The following MAN2A1 variants were observed in gnomAD, a reference collection of about 807,000 sequenced individuals.
MAN2A1 encodes alpha-mannosidase 2.
MAN2A1 carries 76 observed loss-of-function variants against 142.6 expected under a neutral mutation model. The ratio of observed to expected loss-of-function variants is 0.53; its 90% CI spans 0.44 to 0.65. The LOEUF is 0.65. Among genes scored for constraint, MAN2A1 ranks in the 30% least tolerant of loss-of-function variants. The pLI is 0.00. For missense variants in MAN2A1, 1,311 were observed against 1,365.1 expected, an observed-to-expected ratio of 0.96 and a Z score of 0.62; for synonymous variants, 559 against 473.2, an observed-to-expected ratio of 1.18 and a Z score of -2.35.
chr5:109,798,582 A>T (rs1425937183), intron 12 of MAN2A1, among the ~76,000 whole-genome samples: 1 of 152,204 alleles, frequency 6.6e-6, no homozygotes, highest in Non-Finnish European at 1.5e-5. Flanking sequence ...TGGACAATAA[A>T]TTATGGGGCT....
intron 4 of MAN2A1, among the ~76,000 whole-genome samples, chr5:109,744,010 C>T (rs1752337442): frequency 6.6e-6 from 1 of 152,110 alleles, no homozygotes; most frequent in South Asian, 2.1e-4. Flanking sequence ...TAGGAATTTG[C>T]CTGTGTTCAG....
At chr5:109,858,035 CACTT>C (rs1475729335) in intron 20 of MAN2A1, among the ~76,000 whole-genome samples, 2 of 152,338 alleles carry the variant, frequency 1.3e-5, no homozygotes, top group South Asian at 2.1e-4. Context: ...ATCCTAATGA[CACTT>C]ACTCCAACTT....
At chr5:109,820,674 C>G (rs1377044913) in intron 15 of MAN2A1, among the ~76,000 whole-genome samples, 1 of 152,010 alleles carries the variant, frequency 6.6e-6, no homozygotes, top group Non-Finnish European at 1.5e-5. Context: ...GCATGGTGGC[C>G]TGCACCTACA....
chr5:109,703,317 T>C (rs1751041153), intron 1 of MAN2A1, among the ~76,000 whole-genome samples: 1 of 152,354 alleles, frequency 6.6e-6, no homozygotes, highest in East Asian at 1.9e-4. Context: ...TAAATGTGTT[T>C]AGGTAGTGTG....
chr5:109,829,847 T>G (rs1271974520), intron 16 of MAN2A1, among the ~76,000 whole-genome samples: 3 of 152,200 alleles, frequency 2.0e-5, no homozygotes, highest in Non-Finnish European at 4.4e-5. Context: ...AAACTTAATT[T>G]TTTTCTTGAA....
At chr5:109,821,897 G>C (rs1370879281) in intron 15 of MAN2A1, among the ~76,000 whole-genome samples, 2 of 151,722 alleles carry the variant, frequency 1.3e-5, no homozygotes, top group Non-Finnish European at 2.9e-5. Context: ...AAATTTTTGT[G>C]TAGTCATTTC....
Position 109,767,568 on chromosome 5 carries a change from C to T in MAN2A1, c.869C>T (p.Pro290Leu), listed in dbSNP as rs1367342148. ...CCTCGGTCCGGCTGGGCTATTGATC[C>T]CTTTGGACACTCACCAACAATGGCT... is the stretch of plus-strand genomic sequence containing the variant. ...VKPRSGWAID[P>L]FGHSPTMAYL... The change falls in exon 6 of 22, where the codon CCC (proline) becomes CTC (leucine). Residue 290 changes from proline (P) to leucine (L), a missense_variant. Transcript: ENST00000261483. 6.2e-7 allele frequency: 1 copy of T among 1,613,444 alleles called. No individual in the cohort carries two copies. The highest frequency in any genetic ancestry group is 8.5e-7 in the Non-Finnish European group (1 of 1,179,700).
At chr5:109,822,997 A>C (rs547758317) in intron 15 of MAN2A1, among the ~76,000 whole-genome samples, 51 of 152,316 alleles carry the variant, frequency 3.3e-4, no homozygotes, top group Non-Finnish European at 2.6e-4. Context: ...ACACTGTTTA[A>C]GTAGTTCATA....
At chr5:109,735,581 C>T (rs1351498947) in intron 4 of MAN2A1, among the ~76,000 whole-genome samples, 1 of 152,096 alleles carries the variant, frequency 6.6e-6, no homozygotes, top group African/African-American at 2.4e-5. Flanking sequence ...TGAGATGAAC[C>T]CGGTACCTCA....
intron 3 of MAN2A1, among the ~76,000 whole-genome samples, chr5:109,726,752 C>T (rs988535308): frequency 6.6e-6 from 1 of 152,174 alleles, no homozygotes; most frequent in Non-Finnish European, 1.5e-5. Flanking sequence ...TATCAATCTT[C>T]ATAAAGACTA....
At chr5:109,810,861 C>T (rs1041207386) in intron 12 of MAN2A1, among the ~76,000 whole-genome samples, 35 of 152,158 alleles carry the variant, frequency 2.3e-4, no homozygotes, top group Admixed American at 1.8e-3. Context: ...GACAGCTACT[C>T]CATTTCCCCT....
At chr5:109,774,524 C>T (rs1428975081) in intron 7 of MAN2A1, among the ~76,000 whole-genome samples, 2 of 151,812 alleles carry the variant, frequency 1.3e-5, no homozygotes, top group East Asian at 3.9e-4. Context: ...CATATTTCTC[C>T]AAAGATAATC....
At chr5:109,733,556 G>C (rs528963398) in intron 4 of MAN2A1, among the ~76,000 whole-genome samples, 4 of 152,270 alleles carry the variant, frequency 2.6e-5, no homozygotes, top group Non-Finnish European at 5.9e-5. Context: ...AATTTATTGA[G>C]AGTTTTTAGC....
chr5:109,844,871 A>G (rs1366308993), intron 17 of MAN2A1, among the ~76,000 whole-genome samples: 1 of 152,146 alleles, frequency 6.6e-6, no homozygotes, highest in African/African-American at 2.4e-5. Context: ...GACCTCATCT[A>G]TTTCTGCAGA....
At chr5:109,830,590 T>G (rs1210668637) in intron 16 of MAN2A1, among the ~76,000 whole-genome samples, 1 of 152,230 alleles carries the variant, frequency 6.6e-6, no homozygotes, top group African/African-American at 2.4e-5. Flanking sequence ...ATAAAAAGAT[T>G]CATGAAGACA....
intron 4 of MAN2A1, among the ~76,000 whole-genome samples, chr5:109,743,402 T>C (rs868200579): frequency 3.5e-4 from 54 of 152,312 alleles, no homozygotes; most frequent in African/African-American, 1.2e-3. Context: ...GCCAATCCTG[T>C]AGCATTCTCT....
chr5:109,837,255 T>C lies in MAN2A1; in HGVS notation c.2567-5073T>C, dbSNP rs188767500. On this transcript the variant is annotated intron_variant, in intron 16 of 21. Transcript: ENST00000261483. ...TTACTTTCTTGGCTTCTAAGGTGAG[T>C]GTGCCATTTTAAAAGAGAGTTTTGG... Among the ~76,000 whole-genome samples the C allele has an allele frequency of 5.9e-5, 9 of 151,504 alleles. 1 individual carries two copies. In the East Asian group the frequency reaches 1.6e-3, roughly 26 times the overall value.
chr5:109,820,731 G>A (rs906518178), intron 15 of MAN2A1, among the ~76,000 whole-genome samples: 9 of 152,124 alleles, frequency 5.9e-5, no homozygotes, highest in Admixed American at 2.0e-4. Flanking sequence ...GCTTGAGCCC[G>A]GAAGGCAGTT....
At position 109,713,766 on chromosome 5, in the gene MAN2A1, G is replaced by C; in HGVS notation, c.382G>C (p.Asp128His). 1.2e-6 allele frequency: 2 copies of C among 1,612,468 alleles called. No homozygotes were observed. The highest frequency in any genetic ancestry group is 2.2e-5 in the South Asian group (2 of 90,998). Reference sequence around the variant, plus strand: ...TTCACAAAGTGGAAGTCACAATTCAGATGTGCAGGTAATGTATACATTCGT... The same window carrying C: ...TTCACAAAGTGGAAGTCACAATTCACATGTGCAGGTAATGTATACATTCGT... ...FASQSGSHNS[D>H]VQMLDVYSLI... Residue 128 changes from aspartate (D) to histidine (H), a missense_variant, in exon 2 of 22, where the codon GAT (aspartate) becomes CAT (histidine). By Grantham distance (81) the Asp-to-His change is moderately conservative (BLOSUM62 -1). Coordinates refer to ENST00000261483, the MANE Select transcript of MAN2A1 (RefSeq NM_002372.4).
Sources: gnomAD v4.1 joint callset for allele counts (sites outside exome capture counted in the v4.1 genomes callset) on GRCh38, gnomAD v4.1.1 for gene constraint, MANE v1.5 for transcripts, NCBI Gene and HGNC (gene_info 2026-07-23, HGNC 2026-07-21) for gene names.